The following RNF25 variants were observed in gnomAD, a reference collection of about 807,000 sequenced individuals.
RNF25 encodes the protein ring finger protein 25, also known as E3 ubiquitin-protein ligase RNF25.
RNF25 carries 32 observed loss-of-function variants against 65.0 expected under a neutral mutation model. That is an observed-to-expected ratio of 0.49 (90% confidence interval 0.37 to 0.66). The LOEUF (loss-of-function observed/expected upper bound fraction) is 0.66, where lower values mean the gene tolerates loss of function less well. Ranked by LOEUF, RNF25 falls within the 30% of genes least tolerant of loss-of-function variation. RNF25 has a pLI of 0.00. For missense variants in RNF25, 493 were observed against 584.8 expected (o/e 0.84, Z 1.62); for synonymous variants, 207 against 221.2 (o/e 0.94, Z 0.57).
chr2:218,668,597 A>G lies in RNF25; in HGVS notation c.116+8T>C. 1 of 1,599,754 alleles carries G rather than the reference A, an allele frequency of 6.3e-7. No individual in the cohort carries two copies. ...GGGACTCCTGCCCACCACTGGTTGA[A>G]TACATACCTGCCATTTCCTTTAATC... On this transcript the variant is annotated splice_region_variant and intron_variant, in intron 2 of 9. Transcript: ENST00000295704.
intron 1 of RNF25, among the ~76,000 whole-genome samples, chr2:218,670,501 C>T (rs561645821): frequency 6.6e-6 from 1 of 151,808 alleles, no homozygotes; most frequent in South Asian, 2.1e-4. Context: ...AGAGACCATC[C>T]TGGCTAACAG....
Position 218,664,583 on chromosome 2 carries a change from G to A in RNF25, c.802-48C>T, listed in dbSNP as rs945120231. ...AGTGAGGGAGATGCAGTTCCTCAAG[G>A]TGGGGAACTACAGGCCCCTCTCCTA... On this transcript the variant is annotated intron_variant, in intron 9 of 9. Transcript: ENST00000295704. This position sits in a 1 kb window ranked among gnomAD's most constrained non-coding sequence, Gnocchi z 5.1. 3.2e-6 allele frequency: 5 copies of A among 1,582,590 alleles called. No homozygotes were observed. The highest frequency in any genetic ancestry group is 2.2e-5 in the East Asian group (1 of 44,622).
intron 5 of RNF25, 33 bp downstream of exon 5, chr2:218,667,879 A>G (rs1939868757): frequency 6.3e-7 from 1 of 1,598,918 alleles, no homozygotes; most frequent in Admixed American, 1.7e-5. Context: ...AGCTTGAAGG[A>G]AAGAACATAT....
Position 218,665,925 on chromosome 2 carries a change from T to C in RNF25, c.564A>G (p.Thr188=). The part of the protein sequence containing the change: ...QEQEQERQHA[T]TKQKAVGVQC... The stretch of plus-strand genomic sequence containing the variant: ...GTGCAGTGAGGTCTACCTGTTTGGT[T>C]GTAGCATGCTGCCGTTCCTGTTCCT... The change falls in exon 7 of 10, where the codon ACA becomes ACG. Residue 188 remains threonine, a synonymous_variant. Transcript: ENST00000295704. 6.2e-7 allele frequency: 1 copy of C among 1,613,610 alleles called. No individual in the cohort carries two copies. The highest frequency in any genetic ancestry group is 1.1e-5 in the South Asian group (1 of 91,036).
chr2:218,671,956 C>T lies in RNF25; in HGVS notation c.15G>A (p.Ala5=), dbSNP rs201600906. The change falls in exon 1 of 10, where the codon GCG becomes GCA. Residue 5 remains alanine, a synonymous_variant. Transcript: ENST00000295704. ...AGTCCTCCTCCCCTGCAGCTGCAGACGCAGACGCCGCCATATCTTCACCGG... is the reference window on the plus strand; with the variant it reads ...AGTCCTCCTCCCCTGCAGCTGCAGATGCAGACGCCGCCATATCTTCACCGG... MAAS[A]SAAAGEEDWV... is the part of the protein sequence containing the mutation. 1.3e-4 allele frequency: 211 copies of T among 1,614,082 alleles called. No homozygotes were observed. Among genetic ancestry groups the T allele is most frequent in the Non-Finnish European group, 1.4e-4 (165 of 1,180,040 alleles).
Position 218,664,023 on chromosome 2 carries a change from G to A in RNF25, c.1314C>T (p.Gly438=). The A allele has an allele frequency of 6.7e-7, 1 of 1,492,084 alleles. No individual in the cohort carries two copies. The highest frequency in any genetic ancestry group is 2.3e-5 in the East Asian group (1 of 43,406). 92.4% of individuals were successfully genotyped at this position (1,492,084 alleles called of 1,614,324 possible). A position where few individuals can be genotyped will look rare whatever the true frequency, so the allele number is the denominator to read the frequency against. Residue 438 remains glycine (G), a synonymous_variant, in exon 10 of 10, where the codon GGC becomes GGT. Coordinates refer to ENST00000295704, the MANE Select transcript of RNF25 (RefSeq NM_022453.3). This position sits in a 1 kb window ranked among gnomAD's most constrained non-coding sequence, Gnocchi z 5.1. ...PGSSYPRLPR[G]QGAYRPGTRR... is the part of the protein sequence containing the mutation. ...GAGTACCAGGCCGGTATGCTCCCTG[G>A]CCCCGAGGCAGGCGAGGGTAGGAAG...
Position 218,663,981 on chromosome 2 carries a change from G to A in RNF25, c.1356C>T (p.Gly452=). The A allele has an allele frequency of 6.9e-7, 1 of 1,455,364 alleles. No homozygotes were observed. Among genetic ancestry groups the A allele is most frequent in the Non-Finnish European group, 9.1e-7 (1 of 1,101,978 alleles). The allele number at this position is 1,455,364 out of a possible 1,614,324, so 90.2% of individuals were successfully genotyped here. A position where few individuals can be genotyped will look rare whatever the true frequency, so the allele number is the denominator to read the frequency against. ...YRPGTRRESL[G]LESKDGS ...GCTAGGAACCATCCTTAGATTCCAG[G>A]CCCAGGGACTCCCTCCGAGTACCAG... The change falls in exon 10 of 10, where the codon GGC becomes GGT. Residue 452 remains glycine, a synonymous_variant. Coordinates refer to ENST00000295704, the MANE Select transcript of RNF25 (RefSeq NM_022453.3).
At chr2:218,670,601 CAGG>C (rs1243904576) in intron 1 of RNF25, among the ~76,000 whole-genome samples, 1 of 145,282 alleles carries the variant, frequency 6.9e-6, no homozygotes, top group Non-Finnish European at 1.5e-5. Context: ...GAGGCTGAGG[CAGG>C]AGAATGGCAT....
chr2:218,665,476 T>C (rs372092279), intron 7 of RNF25, among the ~76,000 whole-genome samples: 5 of 152,098 alleles, frequency 3.3e-5, no homozygotes, highest in East Asian at 1.9e-4. Context: ...GCACGGTGGC[T>C]CGCGCCTGTA....
rs932570834 is a variant in RNF25, at chr2:218,671,878, G to C, written c.41+52C>G. 10 of 1,601,660 alleles carry C rather than the reference G, an allele frequency of 6.2e-6. No individual in the cohort carries two copies. In the Admixed American group the frequency reaches 1.7e-4, roughly 27 times the overall value. ...ACGGACCGTCTGCGACAGCTGCTAG[G>C]CCTCTGGACTAGATCCAGGCTGTCA... On this transcript the variant is annotated intron_variant, in intron 1 of 9. Coordinates refer to ENST00000295704, the MANE Select transcript of RNF25 (RefSeq NM_022453.3).
At position 218,671,959 on chromosome 2, in the gene RNF25, A is replaced by C; in HGVS notation, c.12T>G (p.Ser4=). The C allele has an allele frequency of 1.2e-6, 2 of 1,614,140 alleles. No individual in the cohort carries two copies. Among genetic ancestry groups the C allele is most frequent in the Non-Finnish European group, 1.7e-6 (2 of 1,180,016 alleles). MAA[S]ASAAAGEEDW... Reference sequence around the variant, plus strand: ...CCTCCTCCCCTGCAGCTGCAGACGCAGACGCCGCCATATCTTCACCGGCCC... The same window carrying C: ...CCTCCTCCCCTGCAGCTGCAGACGCCGACGCCGCCATATCTTCACCGGCCC... Residue 4 remains serine (S), a synonymous_variant, in exon 1 of 10, where the codon TCT becomes TCG. Coordinates refer to ENST00000295704, the MANE Select transcript of RNF25 (RefSeq NM_022453.3).
In RNF25 at chr2:218,664,486, G is replaced by A. The variant is rs137857917; in HGVS notation, c.851C>T (p.Ser284Phe). Residue 284 changes from serine (S) to phenylalanine (F), a missense_variant, in exon 10 of 10, where the codon TCC (serine) becomes TTC (phenylalanine). Around this residue, in one of 3 missense-constraint regions of RNF25, gnomAD observed 351 missense variants for 400.2 expected, o/e 0.88. Transcript: ENST00000295704. The surrounding 1 kb of genome is among the most constrained non-coding windows in gnomAD (Gnocchi z 5.1). ...TGCTGCAAGGGTGCTGGGTGGTTGG[G>A]ATCCTTTGGAGACATCTACAGCTGA... ...PESAVDVSKG[S>F]QPPSTLAAEL... is the part of the protein sequence containing the mutation. The A allele has an allele frequency of 4.3e-6, 7 of 1,613,940 alleles. No individual in the cohort carries two copies. The highest frequency in any genetic ancestry group is 4.0e-5 in the African/African-American group (3 of 74,916).
In RNF25 at chr2:218,664,852, C is replaced by A; in HGVS notation, c.688G>T (p.Glu230Ter). 6.2e-7 allele frequency: 1 copy of A among 1,614,252 alleles called. No individual in the cohort carries two copies. Among genetic ancestry groups the A allele is most frequent in the South Asian group, 1.1e-5 (1 of 91,092 alleles). ...QPMELYQPSA[E>*]SLRQQEERKR... ...CGTTCTTCTTGCTGGCGCAAGCTCT[C>A]TGCACTGGGCTGGTACAGCTCCTGG... The change falls in exon 9 of 10, where the codon GAG becomes TAG. Residue 230 changes from glutamate (E) to a stop codon, truncating the protein, a stop_gained. Coordinates refer to ENST00000295704, the MANE Select transcript of RNF25 (RefSeq NM_022453.3). LOFTEE classifies it high-confidence loss of function. This position sits in a 1 kb window ranked among gnomAD's most constrained non-coding sequence, Gnocchi z 5.1.
At position 218,664,718 on chromosome 2, in the gene RNF25, A is replaced by G. The variant is rs78156340; in HGVS notation, c.801+21T>C. On this transcript the variant is annotated intron_variant, in intron 9 of 9. Coordinates refer to ENST00000295704, the MANE Select transcript of RNF25 (RefSeq NM_022453.3). This position sits in a 1 kb window ranked among gnomAD's most constrained non-coding sequence, Gnocchi z 5.1. ...GAAAGGTTGGTGGCATTACAGGACA[A>G]CTGGGAAGCCCTTCCCTCACCTGCT... The G allele has an allele frequency of 2.3e-3, 3,784 of 1,614,004 alleles. 86 individuals are homozygous for G. In the African/African-American group the frequency reaches 0.045, roughly 19 times the overall value.
Position 218,671,972 on chromosome 2 carries a change from T to C in RNF25, c.-2A>G. On this transcript the variant is annotated 5_prime_UTR_variant, in exon 1 of 10. Coordinates refer to ENST00000295704, the MANE Select transcript of RNF25 (RefSeq NM_022453.3). The stretch of plus-strand genomic sequence containing the variant: ...AGCTGCAGACGCAGACGCCGCCATA[T>C]CTTCACCGGCCCGCAGCCGGAACCG... The C allele has an allele frequency of 1.2e-6, 2 of 1,614,120 alleles. No individual in the cohort carries two copies. The highest frequency in any genetic ancestry group is 1.6e-4 in the Middle Eastern group (1 of 6,062).
chr2:218,667,871 C>T, intron 5 of RNF25, 41 bp downstream of exon 5: 1 of 1,588,480 alleles, frequency 6.3e-7, no homozygotes, highest in South Asian at 1.1e-5. Flanking sequence ...ACTGCTCTAG[C>T]TTGAAGGAAA....
At position 218,664,732 on chromosome 2, in the gene RNF25, C is replaced by T. The variant is rs770177779; in HGVS notation, c.801+7G>A. The T allele has an allele frequency of 1.9e-6, 3 of 1,614,122 alleles. No homozygotes were observed. Among genetic ancestry groups the T allele is most frequent in the Non-Finnish European group, 2.5e-6 (3 of 1,179,988 alleles). On this transcript the variant is annotated splice_region_variant and intron_variant, in intron 9 of 9. Coordinates refer to ENST00000295704, the MANE Select transcript of RNF25 (RefSeq NM_022453.3). The surrounding 1 kb of genome is among the most constrained non-coding windows in gnomAD (Gnocchi z 5.1). ...ATTACAGGACAACTGGGAAGCCCTTCCCTCACCTGCTGAAGGCTGATGAAG... is the reference window on the plus strand; with the variant it reads ...ATTACAGGACAACTGGGAAGCCCTTTCCTCACCTGCTGAAGGCTGATGAAG...
At chr2:218,665,019 G>GA (rs1369233162) in intron 8 of RNF25, 136 bp downstream of exon 8, 3 of 1,442,996 alleles carry the variant, frequency 2.1e-6, no homozygotes, top group Non-Finnish European at 2.9e-6. Flanking sequence ...GCCAGTGGGG[G>GA]ATGTGGCTTT....
intron 1 of RNF25, among the ~76,000 whole-genome samples, chr2:218,670,398 C>T (rs1457233970): frequency 2.7e-5 from 4 of 146,168 alleles, no homozygotes; most frequent in African/African-American, 1.0e-4. Context: ...GTGGTGACAA[C>T]AAAATGGGGG....
Sources: gnomAD v4.1 joint callset for allele counts (sites outside exome capture counted in the v4.1 genomes callset) on GRCh38, gnomAD v4.1.1 for gene constraint, gnomAD v4.1.1 regional missense constraint, Gnocchi (gnomAD v3.1) non-coding constraint, MANE v1.5 for transcripts, NCBI Gene and HGNC (gene_info 2026-07-23, HGNC 2026-07-21) for gene names.